Variants in GPHN observed in about 807,000 individuals in gnomAD.
GPHN encodes gephyrin.
GPHN carries 17 observed loss-of-function variants against 95.5 expected under a neutral mutation model. That is an observed-to-expected ratio of 0.18 (90% confidence interval 0.12 to 0.27). The LOEUF (loss-of-function observed/expected upper bound fraction) is 0.27, where lower values mean the gene tolerates loss of function less well. Ranked by LOEUF, GPHN falls within the 10% of genes least tolerant of loss-of-function variation. The pLI is 1.00. For missense variants in GPHN, 660 were observed against 978.1 expected, an observed-to-expected ratio of 0.67 and a Z score of 4.34; for synonymous variants, 320 against 322.5, an observed-to-expected ratio of 0.99 and a Z score of 0.08.
the GPHN span, among the ~76,000 whole-genome samples, chr14:67,423,250 T>C: frequency 6.6e-6 from 1 of 152,274 alleles, no homozygotes; most frequent in East Asian, 1.9e-4. Context: ...GGCATTTGTT[T>C]GCAAGATTGA....
At chr14:66,950,512 C>T (rs1295080467) in intron 8 of GPHN, among the ~76,000 whole-genome samples, 1 of 152,104 alleles carries the variant, frequency 6.6e-6, no homozygotes, top group Non-Finnish European at 1.5e-5. Flanking sequence ...ATACTTTGCT[C>T]TATTCCTTCT....
At chr14:66,875,432 T>C (rs937216625) in intron 4 of GPHN, among the ~76,000 whole-genome samples, 1 of 151,934 alleles carries the variant, frequency 6.6e-6, no homozygotes, top group Admixed American at 6.6e-5. Flanking sequence ...GTAAATGGGC[T>C]AAATGCCCCC....
rs779620017 is a variant in GPHN at position 66,824,454 on chromosome 14, A to C, written c.202-20A>C. ...CAGGCAAATTTTTCTGCACATGACTATACTATTGTTTTCTTTCAGGAAACC... is the reference window on the plus strand; with the variant it reads ...CAGGCAAATTTTTCTGCACATGACTCTACTATTGTTTTCTTTCAGGAAACC... On this transcript the variant is annotated intron_variant, in intron 3 of 22. Coordinates refer to ENST00000478722, the MANE Select transcript of GPHN (RefSeq NM_020806.5). 5 of 1,329,822 alleles carry C rather than the reference A, an allele frequency of 3.8e-6. No individual in the cohort carries two copies. The South Asian group carries it at 5.9e-5, about 16-fold the overall frequency. 82.4% of individuals were successfully genotyped at this position (1,329,822 alleles called of 1,614,324 possible). A position where few individuals can be genotyped will look rare whatever the true frequency, so the allele number is the denominator to read the frequency against.
the GPHN span, among the ~76,000 whole-genome samples, chr14:67,530,456 T>C: frequency 1.3e-5 from 2 of 152,168 alleles, no homozygotes; most frequent in African/African-American, 4.8e-5. Context: ...GATGCTGTAA[T>C]ATTGACTCTG....
At chr14:66,650,669 A>T (rs1052447794) in intron 1 of GPHN, among the ~76,000 whole-genome samples, 1 of 152,172 alleles carries the variant, frequency 6.6e-6, no homozygotes, top group Non-Finnish European at 1.5e-5. Flanking sequence ...TTTTTGTATG[A>T]TGTATTTTTC....
At chr14:67,070,278 GTA>G (rs1295907820) in intron 11 of GPHN, among the ~76,000 whole-genome samples, 3 of 149,342 alleles carry the variant, frequency 2.0e-5, no homozygotes, top group African/African-American at 7.4e-5. Context: ...ATATATGTGT[GTA>G]TATATATGTT....
At chr14:66,765,228 T>G (rs1465463522) in intron 2 of GPHN, among the ~76,000 whole-genome samples, 1 of 152,222 alleles carries the variant, frequency 6.6e-6, no homozygotes, top group South Asian at 2.1e-4. Flanking sequence ...GGAGTGTAAA[T>G]TAATTTGCCC....
At chr14:67,504,828 G>A in the GPHN span, among the ~76,000 whole-genome samples, 1 of 152,108 alleles carries the variant, frequency 6.6e-6, no homozygotes, top group Non-Finnish European at 1.5e-5. Flanking sequence ...GAGGTTGCAG[G>A]TGAGCTGAGA....
the GPHN span, among the ~76,000 whole-genome samples, chr14:67,732,481 T>A: frequency 6.9e-6 from 1 of 145,784 alleles, no homozygotes; most frequent in African/African-American, 2.5e-5. Flanking sequence ...ATCCCGGTTT[T>A]ATGTAAGAGA....
chr14:66,796,785 T>C (rs2060171801), intron 3 of GPHN, among the ~76,000 whole-genome samples: 1 of 152,058 alleles, frequency 6.6e-6, no homozygotes, highest in African/African-American at 2.4e-5. Context: ...CTCTTCACTC[T>C]ATTGATTGAC....
chr14:67,410,104 T>A, the GPHN span, among the ~76,000 whole-genome samples: 4 of 152,108 alleles, frequency 2.6e-5, no homozygotes, highest in African/African-American at 9.7e-5. Flanking sequence ...CCTCATTTTC[T>A]GCACCCTGGA....
the GPHN span, among the ~76,000 whole-genome samples, chr14:67,494,014 G>A: frequency 6.6e-6 from 1 of 152,018 alleles, no homozygotes; most frequent in Non-Finnish European, 1.5e-5. Context: ...CAGTCCACAG[G>A]AAAGACCACC....
intron 17 of GPHN, among the ~76,000 whole-genome samples, chr14:67,138,471 A>G (rs973905305): frequency 6.6e-6 from 1 of 152,216 alleles, no homozygotes; most frequent in Non-Finnish European, 1.5e-5. Flanking sequence ...ATTCATGATT[A>G]TAACCCTTGT....
At chr14:66,635,955 G>T (rs557605672) in intron 1 of GPHN, among the ~76,000 whole-genome samples, 1 of 151,622 alleles carries the variant, frequency 6.6e-6, no homozygotes, top group East Asian at 1.9e-4. Context: ...TGGCTAACAC[G>T]GTGAAACTCC....
chr14:66,861,417 C>CT (rs1173324311), intron 4 of GPHN, among the ~76,000 whole-genome samples: 1 of 152,092 alleles, frequency 6.6e-6, no homozygotes, highest in Non-Finnish European at 1.5e-5. Flanking sequence ...CAACACCCTA[C>CT]TTTCAGCATT....
chr14:67,100,461 A>G (rs930126042), intron 12 of GPHN, among the ~76,000 whole-genome samples: 1 of 152,228 alleles, frequency 6.6e-6, no homozygotes. Context: ...TTATATATAT[A>G]TATATGTCCA....
intron 17 of GPHN, among the ~76,000 whole-genome samples, chr14:67,138,124 A>G (rs1275471589): frequency 6.6e-6 from 1 of 152,212 alleles, no homozygotes; most frequent in Non-Finnish European, 1.5e-5. Flanking sequence ...TGCAAATATT[A>G]CTATATTTAG....
At position 66,985,880 on chromosome 14, in the gene GPHN, G is replaced by A. The variant is rs2070996870; in HGVS notation, c.963+20555G>A. 5.4e-6 allele frequency: 3 copies of A among 557,060 alleles called. No individual in the cohort carries two copies. In the East Asian group the frequency reaches 8.9e-5, roughly 17 times the overall value. The allele number at this position is 557,060 out of a possible 1,614,324, so 34.5% of individuals were successfully genotyped here. ...TATTTTAATATTTTTATTGGCTGTT[G>A]GGTCATATTACTTTTTTTTTGTTTC... On this transcript the variant is annotated intron_variant, in intron 9 of 22. Transcript: ENST00000478722.
At chr14:67,154,239 C>T (rs2081449886) in intron 18 of GPHN, among the ~76,000 whole-genome samples, 1 of 152,148 alleles carries the variant, frequency 6.6e-6, no homozygotes, top group African/African-American at 2.4e-5. Context: ...CTCTTCCCTC[C>T]ACACTTCACA....
Sources: allele counts gnomAD v4.1 joint callset (sites outside exome capture counted in the v4.1 genomes callset), GRCh38; gene constraint gnomAD v4.1.1; transcripts MANE v1.5; gene names NCBI Gene and HGNC (gene_info 2026-07-23, HGNC 2026-07-21).